The following GCM2 variants were observed in gnomAD, a reference collection of about 807,000 sequenced individuals.
GCM2 encodes chorion-specific transcription factor GCMb.
Under a neutral mutation model 24.8 loss-of-function variants are expected in GCM2, and 21 were observed. The observed-to-expected ratio is 0.85, with a 90% CI of 0.60 to 1.22. GCM2 has a LOEUF of 1.22. Ranked by LOEUF, GCM2 falls within the 50% of genes most tolerant of loss-of-function variation. The probability of loss-of-function intolerance (pLI) is 0.00; values close to 1 mark genes in which losing one functional copy is unlikely to be tolerated. For missense variants in GCM2, 532 were observed against 645.6 expected, an observed-to-expected ratio of 0.82 and a Z score of 1.91; for synonymous variants, 222 against 238.0, an observed-to-expected ratio of 0.93 and a Z score of 0.62.
At position 10,879,704 on chromosome 6, in the gene GCM2, G is replaced by A. The variant is rs189424212; in HGVS notation, c.90+2000C>T. ...CTCCATGTCCCAGTGTGCCTGGCCC[G>A]TTTGAGATATTACACACATGCTTCC... On this transcript the variant is annotated intron_variant, in intron 1 of 4. Transcript: ENST00000379491. 3.7e-3 allele frequency among the ~76,000 whole-genome samples: 564 copies of A among 152,236 alleles called. 4 individuals carry two copies. Among genetic ancestry groups the A allele is most frequent in the African/African-American group, 0.012 (511 of 41,516 alleles).
chr6:10,881,583 T>G, intron 1 of GCM2, 121 bp downstream of exon 1: 1 of 685,060 alleles, frequency 1.5e-6, no homozygotes, highest in Non-Finnish European at 2.6e-6. Flanking sequence ...TGTGTGTGTG[T>G]GTGTGTGTGT....
chr6:10,881,780 G>C lies in GCM2; in HGVS notation c.14C>G (p.Ala5Gly). MPAAAVQEAVGVCSY... is the reference protein window; with the variant it reads MPAAGVQEAVGVCSY... ...GCACACGCCGACCGCTTCCTGCACC[G>C]CGGCCGCCGGCATCTGCCCAACTCG... The change falls in exon 1 of 5, where the codon GCG (alanine) becomes GGG (glycine). Residue 5 changes from alanine (A) to glycine (G), a missense_variant. Physicochemically the swap from Ala to Gly is moderately conservative, Grantham distance 60 (BLOSUM62 0). This residue lies in a region of GCM2 where 96 missense variants were observed against 103.5 expected (regional missense o/e 0.93). Coordinates refer to ENST00000379491, the MANE Select transcript of GCM2 (RefSeq NM_004752.4). The C allele has an allele frequency of 1.2e-6, 2 of 1,608,172 alleles. No homozygotes were observed. The highest frequency in any genetic ancestry group is 1.7e-6 in the Non-Finnish European group (2 of 1,179,904).
Position 10,877,509 on chromosome 6 carries a change from C to T in GCM2, c.91-117G>A, listed in dbSNP as rs765040543. ...AACCAGTTCTTTTTAAATCCAGTAA[C>T]GTCAAATTCCAAAATGCCACTCTTT... On this transcript the variant is annotated intron_variant, in intron 1 of 4. Transcript: ENST00000379491. 61 of 1,059,938 alleles carry T rather than the reference C, an allele frequency of 5.8e-5. No homozygotes were observed. In the Middle Eastern group the frequency reaches 9.2e-4, roughly 16 times the overall value. 65.7% of individuals were successfully genotyped at this position (1,059,938 alleles called of 1,614,324 possible).
Position 10,877,280 on chromosome 6 carries a change from T to C in GCM2, c.203A>G (p.Asn68Ser), listed in dbSNP as rs747026470. The C allele has an allele frequency of 1.2e-6, 2 of 1,614,208 alleles. No homozygotes were observed. The highest frequency in any genetic ancestry group is 2.2e-5 in the South Asian group (2 of 91,082). ...QRHLSGWAMR[N>S]TNNHNGHILK... ...GATGTGGCCATTGTGGTTGTTGGTG[T>C]TGCGCATGGCCCAGCCGCTCAGGTG... is the stretch of plus-strand genomic sequence containing the variant. Residue 68 changes from asparagine (N) to serine (S), a missense_variant, in exon 2 of 5, where the codon AAC becomes AGC. Asn to Ser is a conservative substitution (Grantham distance 46, BLOSUM62 1). Transcript: ENST00000379491.
chr6:10,873,913 C>G lies in GCM2; in HGVS notation c.*82G>C. On this transcript the variant is annotated 3_prime_UTR_variant, in exon 5 of 5. Transcript: ENST00000379491. ...TTTGCACACAAGGTGAATCTCCCAA[C>G]TCAATAAGAGATCATTGCCATTTCA... is the stretch of plus-strand genomic sequence containing the variant. The G allele has an allele frequency of 9.4e-7, 1 of 1,065,112 alleles. No individual in the cohort carries two copies. The highest frequency in any genetic ancestry group is 1.8e-5 in the Admixed American group (1 of 55,026). The allele number at this position is 1,065,112 out of a possible 1,614,324, so 66.0% of individuals were successfully genotyped here. A position where few individuals can be genotyped will look rare whatever the true frequency, so the allele number is the denominator to read the frequency against.
At chr6:10,875,821 T>C (rs763831964) in intron 4 of GCM2, 70 bp downstream of exon 4, 10 of 1,467,324 alleles carry the variant, frequency 6.8e-6, no homozygotes, top group Non-Finnish European at 9.5e-6. Flanking sequence ...CTTCATATTT[T>C]GCATAACGAT....
rs1364505156 is a variant in GCM2, at chr6:10,881,551, GGTATGTGTGTGTGTGTGTGTGTGT to G, written c.90+129_90+152del. Among the ~76,000 whole-genome samples, 4 of 128,168 alleles carry G rather than the reference GGTATGTGTGTGTGTGTGTGTGTGT, an allele frequency of 3.1e-5. No individual in the cohort carries two copies. In the East Asian group the frequency reaches 6.8e-4, roughly 22 times the overall value. 84.1% of individuals were successfully genotyped at this position (128,168 alleles called of 152,430 possible). A position where few individuals can be genotyped will look rare whatever the true frequency, so the allele number is the denominator to read the frequency against. On this transcript the variant is annotated intron_variant, in intron 1 of 4. Coordinates refer to ENST00000379491, the MANE Select transcript of GCM2 (RefSeq NM_004752.4). The stretch of plus-strand genomic sequence containing the variant: ...GCCTCAGAAACCCAGAAATTTTGCG[GGTATGTGTGTGTGTGTGTGTGTGT>G]GTGTGTGTGTGTGTGTGTGTGTGTG...
At chr6:10,881,590 GT>G in intron 1 of GCM2, 113 bp downstream of exon 1, 16 of 570,394 alleles carry the variant, frequency 2.8e-5, no homozygotes, top group Middle Eastern at 4.4e-4. Context: ...GTGTGTGTGT[GT>G]GTGTGTGTGT....
intron 1 of GCM2, among the ~76,000 whole-genome samples, chr6:10,880,607 T>C (rs1779944485): frequency 6.6e-6 from 1 of 152,204 alleles, no homozygotes; most frequent in African/African-American, 2.4e-5. Context: ...GGTCATTCTC[T>C]GGAACTGGCT....
Position 10,873,812 on chromosome 6 carries a change from A to T in GCM2, c.*183T>A, listed in dbSNP as rs1054069218. 4.6e-6 allele frequency: 3 copies of T among 652,352 alleles called. No individual in the cohort carries two copies. The highest frequency in any genetic ancestry group is 3.6e-5 in the African/African-American group (2 of 55,860). The allele number at this position is 652,352 out of a possible 1,614,324, so 40.4% of individuals were successfully genotyped here. On this transcript the variant is annotated 3_prime_UTR_variant, in exon 5 of 5. Coordinates refer to ENST00000379491, the MANE Select transcript of GCM2 (RefSeq NM_004752.4). ...AGCCAGTTTCAAAATGCTGTGTGAA[A>T]TTTCCCATATTATCTAATCATTTCC...
chr6:10,879,696 C>T (rs1779932274), intron 1 of GCM2, among the ~76,000 whole-genome samples: 1 of 152,172 alleles, frequency 6.6e-6, no homozygotes, highest in Non-Finnish European at 1.5e-5. Context: ...TCCCAGTGTG[C>T]CTGGCCCGTT....
chr6:10,874,836 A>T lies in GCM2; in HGVS notation c.680T>A (p.Ile227Asn). 6.2e-7 allele frequency: 1 copy of T among 1,613,426 alleles called. No individual in the cohort carries two copies. Reference sequence around the variant, plus strand: ...GAAGGAAGGGCAAGGCTGCCCTGGAATAGGGAAGCTGGTTTCAGTAACTAT... The same window carrying T: ...GAAGGAAGGGCAAGGCTGCCCTGGATTAGGGAAGCTGGTTTCAGTAACTAT... Reference protein sequence around the residue: ...FDIVTETSFPIPGQPCPSFPK... With the variant: ...FDIVTETSFPNPGQPCPSFPK... The change falls in exon 5 of 5, where the codon ATT (isoleucine) becomes AAT (asparagine). Residue 227 changes from isoleucine to asparagine, a missense_variant. Ile to Asn is a moderately radical substitution (Grantham distance 149, BLOSUM62 -3). This residue lies in a region of GCM2 where 434 missense variants were observed against 521.9 expected (regional missense o/e 0.83). Coordinates refer to ENST00000379491, the MANE Select transcript of GCM2 (RefSeq NM_004752.4).
intron 1 of GCM2, among the ~76,000 whole-genome samples, chr6:10,880,961 C>T (rs1161962665): frequency 6.6e-6 from 1 of 152,188 alleles, no homozygotes; most frequent in African/African-American, 2.4e-5. Context: ...TTCTCCTTAG[C>T]TTCCTCATGG....
chr6:10,878,476 G>A (rs757755376), intron 1 of GCM2, among the ~76,000 whole-genome samples: 2 of 151,988 alleles, frequency 1.3e-5, no homozygotes, highest in Non-Finnish European at 2.9e-5. Flanking sequence ...ATGCCACCAC[G>A]CCTGGCTATT....
chr6:10,873,661 C>G lies in GCM2; in HGVS notation c.*334G>C. 1 of 358,106 alleles carries G rather than the reference C, an allele frequency of 2.8e-6. No homozygotes were observed. Among genetic ancestry groups the G allele is most frequent in the South Asian group, 2.5e-5 (1 of 40,124 alleles). 22.2% of individuals were successfully genotyped at this position (358,106 alleles called of 1,614,324 possible). ...AATGGGAAAAGTCCTAGAATAAGAA[C>G]CAGAATCCTTGACTTCTACTCCTGC... On this transcript the variant is annotated 3_prime_UTR_variant, in exon 5 of 5. Transcript: ENST00000379491.
intron 1 of GCM2, among the ~76,000 whole-genome samples, chr6:10,878,688 C>T (rs1309534592): frequency 6.6e-6 from 1 of 152,134 alleles, no homozygotes; most frequent in Non-Finnish European, 1.5e-5. Flanking sequence ...ATATTTGGAA[C>T]AGAAACAGTA....
chr6:10,874,661 T>C lies in GCM2; in HGVS notation c.855A>G (p.Ser285=), dbSNP rs1561671424. ...YELANPGYTN[S]SPYPTLYKDS... is the part of the protein sequence containing the mutation. ...CCTTATAAAGGGTGGGATATGGGCT[T>C]GAATTTGTATAACCAGGGTTTGCCA... Residue 285 remains serine (S), a synonymous_variant, in exon 5 of 5, where the codon TCA becomes TCG. Coordinates refer to ENST00000379491, the MANE Select transcript of GCM2 (RefSeq NM_004752.4). 2 of 1,614,238 alleles carry C rather than the reference T, an allele frequency of 1.2e-6. No homozygotes were observed. Among genetic ancestry groups the C allele is most frequent in the Non-Finnish European group, 1.7e-6 (2 of 1,180,040 alleles).
chr6:10,880,097 A>T (rs562082872), intron 1 of GCM2, among the ~76,000 whole-genome samples: 1 of 152,196 alleles, frequency 6.6e-6, no homozygotes, highest in East Asian at 1.9e-4. Context: ...CTCTACTAAA[A>T]ATACAAAATT....
chr6:10,876,657 C>T (rs775432692), intron 2 of GCM2, 100 bp from the exon 3 acceptor site: 56 of 818,630 alleles, frequency 6.8e-5, no homozygotes, highest in Admixed American at 9.9e-5. Context: ...TGCTCGGGCG[C>T]GGTGGCTCAC....
Sources: allele counts gnomAD v4.1 joint callset (sites outside exome capture counted in the v4.1 genomes callset), GRCh38; gene constraint gnomAD v4.1.1; regional missense constraint gnomAD v4.1.1; transcripts MANE v1.5; gene names NCBI Gene and HGNC (gene_info 2026-07-23, HGNC 2026-07-21).